The following ADAM2 variants were observed in gnomAD, a reference collection of about 807,000 sequenced individuals.
ADAM2 encodes the protein ADAM metallopeptidase domain 2, also known as disintegrin and metalloproteinase domain-containing protein 2.
ADAM2 carries 101 observed loss-of-function variants against 99.3 expected under a neutral mutation model. The ratio of observed to expected loss-of-function variants is 1.02; its 90% CI spans 0.87 to 1.20. The LOEUF is 1.20. Among genes scored for constraint, ADAM2 ranks in the 50% most tolerant of loss-of-function variants. The pLI is 0.00. For synonymous variants in ADAM2, 323 were observed against 287.6 expected (o/e 1.12, Z -1.25); for missense variants, 948 against 878.7 (o/e 1.08, Z -1.00).
chr8:39,835,579 A>T (rs981511809), intron 2 of ADAM2, among the ~76,000 whole-genome samples: 1 of 151,782 alleles, frequency 6.6e-6, no homozygotes, highest in Non-Finnish European at 1.5e-5. Context: ...GCTACTCAGG[A>T]GGCTGAGGCA....
intron 11 of ADAM2, among the ~76,000 whole-genome samples, chr8:39,771,113 C>T (rs922656871): frequency 6.6e-6 from 1 of 152,200 alleles, no homozygotes; most frequent in African/African-American, 2.4e-5. Flanking sequence ...TTCTCCTCAT[C>T]AACCTCAACT....
intron 12 of ADAM2, among the ~76,000 whole-genome samples, chr8:39,767,980 T>C (rs1419144387): frequency 6.6e-6 from 1 of 151,624 alleles, no homozygotes; most frequent in African/African-American, 2.4e-5. Flanking sequence ...AAAAAGAAAT[T>C]TGATAAATCA....
intron 10 of ADAM2, among the ~76,000 whole-genome samples, chr8:39,786,327 A>G (rs1484264040): frequency 6.6e-6 from 1 of 152,132 alleles, no homozygotes; most frequent in Non-Finnish European, 1.5e-5. Context: ...TCTCCATTTA[A>G]TTGATTCATC....
intron 7 of ADAM2, among the ~76,000 whole-genome samples, chr8:39,800,086 T>C (rs1432900801): frequency 6.6e-6 from 1 of 152,222 alleles, no homozygotes; most frequent in Non-Finnish European, 1.5e-5. Flanking sequence ...TTTGGTTATT[T>C]TGCACACTGG....
At chr8:39,826,240 A>T (rs1465827810) in intron 3 of ADAM2, among the ~76,000 whole-genome samples, 1 of 152,198 alleles carries the variant, frequency 6.6e-6, no homozygotes, top group Non-Finnish European at 1.5e-5. Flanking sequence ...ATAAAAATAG[A>T]TATATAGACC....
At chr8:39,805,309 G>A (rs1468876925) in intron 7 of ADAM2, among the ~76,000 whole-genome samples, 3 of 152,122 alleles carry the variant, frequency 2.0e-5, no homozygotes, top group Admixed American at 6.5e-5. Context: ...AAGTGACTAG[G>A]GGATCTAAAG....
At chr8:39,805,249 T>C (rs1804389863) in intron 7 of ADAM2, among the ~76,000 whole-genome samples, 1 of 152,106 alleles carries the variant, frequency 6.6e-6, no homozygotes, top group South Asian at 2.1e-4. Flanking sequence ...TATGTTTTGA[T>C]AGGGACAGGA....
chr8:39,836,713 G>A (rs568922183), intron 2 of ADAM2, among the ~76,000 whole-genome samples: 20 of 152,122 alleles, frequency 1.3e-4, no homozygotes, highest in African/African-American at 3.4e-4. Context: ...TAACATATTC[G>A]CAATCAGGGC....
chr8:39,834,029 GA>G, intron 2 of ADAM2, 30 bp from the exon 3 acceptor site: 1 of 1,301,794 alleles, frequency 7.7e-7, no homozygotes, highest in Non-Finnish European at 1.1e-6. Flanking sequence ...AAAATACAAA[GA>G]AAATGAAAAA....
chr8:39,785,142 G>C (rs996564371), intron 10 of ADAM2, among the ~76,000 whole-genome samples: 3 of 152,180 alleles, frequency 2.0e-5, no homozygotes, highest in Non-Finnish European at 4.4e-5. Context: ...AGTCCAGAAT[G>C]GTGTTTCCTA....
At chr8:39,773,312 G>A (rs1044562378) in intron 11 of ADAM2, among the ~76,000 whole-genome samples, 1 of 151,694 alleles carries the variant, frequency 6.6e-6, no homozygotes, top group Admixed American at 6.6e-5. Flanking sequence ...TGATTAGAGA[G>A]AAATGCACAG....
At chr8:39,808,074 G>A (rs997491310) in intron 7 of ADAM2, among the ~76,000 whole-genome samples, 2 of 151,984 alleles carry the variant, frequency 1.3e-5, no homozygotes, top group Non-Finnish European at 2.9e-5. Context: ...TGTCCTGGAG[G>A]TTCTAGCAAA....
chr8:39,830,049 G>A (rs1245319819), intron 3 of ADAM2, among the ~76,000 whole-genome samples: 1 of 152,092 alleles, frequency 6.6e-6, no homozygotes, highest in Non-Finnish European at 1.5e-5. Flanking sequence ...CTTCTTGAGT[G>A]CAGTCAATAT....
Position 39,777,114 on chromosome 8 carries a change from T to C in ADAM2, c.939A>G (p.Gln313=), listed in dbSNP as rs778878320. 3 of 1,610,924 alleles carry C rather than the reference T, an allele frequency of 1.9e-6. No individual in the cohort carries two copies. The highest frequency in any genetic ancestry group is 1.1e-5 in the South Asian group (1 of 90,952). The change falls in exon 11 of 21, where the codon CAA becomes CAG. Residue 313 remains glutamine, a synonymous_variant. Transcript: ENST00000265708. ...TGATCCCCATACTAAGGCTCAATAA[T>C]TGAGCTAAAATAACTGCAAGTGATT... ...SLESLAVILA[Q]LLSLSMGITY...
chr8:39,749,704 C>T lies in ADAM2; in HGVS notation c.1838G>A (p.Gly613Asp), dbSNP rs138205598. ...NQRCVSSSYL[G>D]YDCTTDKCND... ...GCATTTGTCAGTAGTACAATCATAACCCAAGTATGAAGAACTCACACATCT... is the reference window on the plus strand; with the variant it reads ...GCATTTGTCAGTAGTACAATCATAATCCAAGTATGAAGAACTCACACATCT... The change falls in exon 17 of 21, where the codon GGT becomes GAT. Residue 613 changes from glycine to aspartate, a missense_variant. Gly to Asp is a moderately conservative substitution (Grantham distance 94, BLOSUM62 -1). Coordinates refer to ENST00000265708, the MANE Select transcript of ADAM2 (RefSeq NM_001464.5). 9 of 1,612,216 alleles carry T rather than the reference C, an allele frequency of 5.6e-6. No individual in the cohort carries two copies. Among genetic ancestry groups the T allele is most frequent in the Non-Finnish European group, 7.6e-6 (9 of 1,178,928 alleles).
chr8:39,828,580 A>G (rs552691843), intron 3 of ADAM2, among the ~76,000 whole-genome samples: 51 of 152,016 alleles, frequency 3.4e-4, no homozygotes, highest in Admixed American at 3.2e-3. Context: ...AATTTAAACA[A>G]TCAAGAAGAG....
At chr8:39,753,358 A>AGCAGCAAAGCATTCAAGAG (rs1457084798) in intron 16 of ADAM2, among the ~76,000 whole-genome samples, 2 of 152,168 alleles carry the variant, frequency 1.3e-5, no homozygotes, top group Non-Finnish European at 2.9e-5. Flanking sequence ...GAAATTTCTA[A>AGCAGCAAAGCATTCAAGAG]GCAGCAAAGC....
intron 16 of ADAM2, among the ~76,000 whole-genome samples, chr8:39,754,882 C>T (rs906065742): frequency 2.6e-5 from 4 of 151,960 alleles, no homozygotes; most frequent in Non-Finnish European, 5.9e-5. Context: ...TGCATAGGTA[C>T]CATATTGAAT....
At chr8:39,772,146 G>A (rs1173180412) in intron 11 of ADAM2, among the ~76,000 whole-genome samples, 1 of 150,558 alleles carries the variant, frequency 6.6e-6, no homozygotes, top group Non-Finnish European at 1.5e-5. Context: ...AAAATATCAA[G>A]CATAATTGCA....
Sources: allele counts gnomAD v4.1 joint callset (sites outside exome capture counted in the v4.1 genomes callset), GRCh38; gene constraint gnomAD v4.1.1; transcripts MANE v1.5; gene names NCBI Gene and HGNC (gene_info 2026-07-23, HGNC 2026-07-21).